Variants in DOCK10 observed in about 807,000 individuals in gnomAD.
DOCK10 encodes dedicator of cytokinesis protein 10.
DOCK10 carries 145 observed loss-of-function variants against 280.1 expected under a neutral mutation model. The ratio of observed to expected loss-of-function variants is 0.52; its 90% CI spans 0.45 to 0.59. DOCK10 has a LOEUF of 0.59. DOCK10 is among the 20% of genes least tolerant of loss of function. The pLI, the probability that DOCK10 is intolerant of heterozygous loss-of-function variation, is 0.00. For synonymous variants in DOCK10, 915 were observed against 942.2 expected (o/e 0.97, Z 0.53); for missense variants, 2,368 against 2,651.7 (o/e 0.89, Z 2.35).
chr2:224,937,310 G>C (rs927923982), intron 1 of DOCK10, among the ~76,000 whole-genome samples: 5 of 152,134 alleles, frequency 3.3e-5, no homozygotes, highest in Non-Finnish European at 5.9e-5. Flanking sequence ...TTGCTGCAAA[G>C]ATCAAGTAGA....
At chr2:224,816,978 A>G (rs186129404) in intron 29 of DOCK10, among the ~76,000 whole-genome samples, 3 of 152,328 alleles carry the variant, frequency 2.0e-5, no homozygotes, top group Admixed American at 2.0e-4. Context: ...ATAAGATCCT[A>G]CTGAGTCATA....
At chr2:224,802,367 G>GA (rs1315489134) in intron 39 of DOCK10, among the ~76,000 whole-genome samples, 2 of 152,176 alleles carry the variant, frequency 1.3e-5, no homozygotes, top group African/African-American at 4.8e-5. Context: ...GGCTGATCAG[G>GA]AAGGCACAGT....
intron 1 of DOCK10, among the ~76,000 whole-genome samples, chr2:224,973,000 T>G (rs557713632): frequency 6.6e-6 from 1 of 152,350 alleles, no homozygotes; most frequent in East Asian, 1.9e-4. Context: ...GAATTTCCAT[T>G]TTTACACATT....
intron 53 of DOCK10, among the ~76,000 whole-genome samples, chr2:224,772,937 A>G (rs562155753): frequency 2.6e-5 from 4 of 152,324 alleles, no homozygotes; most frequent in South Asian, 4.1e-4. Context: ...GGAAGAATAC[A>G]TTTTATTTCA....
intron 7 of DOCK10, among the ~76,000 whole-genome samples, chr2:224,879,510 C>T (rs896172368): frequency 3.3e-5 from 5 of 152,148 alleles, no homozygotes; most frequent in Non-Finnish European, 5.9e-5. Flanking sequence ...GTAATCCCAG[C>T]GCTTTAGGAG....
rs757251987 is a variant in DOCK10 at position 224,876,045 on chromosome 2, C to T, written c.924G>A (p.Leu308=). The T allele has an allele frequency of 6.2e-7, 1 of 1,612,394 alleles. No individual in the cohort carries two copies. Among genetic ancestry groups the T allele is most frequent in the Admixed American group, 1.7e-5 (1 of 59,644 alleles). The change falls in exon 8 of 56, where the codon CTG becomes CTA. Residue 308 remains leucine (L), a synonymous_variant. Coordinates refer to ENST00000258390, the MANE Select transcript of DOCK10 (RefSeq NM_014689.3). ...GGCTTCATATGCTCTCACCCAGACC[C>T]AGATCAGTGAGCTCTGTGCTCCTCC... ...QGRRSTELTD[L]GLDSLDNSVT...
At chr2:224,842,600 T>C (rs1273198803) in intron 22 of DOCK10, among the ~76,000 whole-genome samples, 1 of 152,192 alleles carries the variant, frequency 6.6e-6, no homozygotes, top group Non-Finnish European at 1.5e-5. Flanking sequence ...CGCGTGTGTG[T>C]GTGTGCCCTA....
At chr2:224,883,466 G>A (rs1401770849) in intron 7 of DOCK10, among the ~76,000 whole-genome samples, 1 of 152,206 alleles carries the variant, frequency 6.6e-6, no homozygotes, top group Non-Finnish European at 1.5e-5. Flanking sequence ...ATAATGGAAT[G>A]TCTATATCCT....
chr2:224,985,965 G>C (rs73083726), intron 1 of DOCK10, among the ~76,000 whole-genome samples: 6,731 of 152,230 alleles, frequency 0.044, 495 homozygotes, highest in African/African-American at 0.15. Flanking sequence ...GTTAAATTAT[G>C]TAAGAGCCGT....
chr2:224,823,277 C>T (rs370358442), intron 28 of DOCK10, among the ~76,000 whole-genome samples: 13 of 151,894 alleles, frequency 8.6e-5, no homozygotes, highest in African/African-American at 2.2e-4. Context: ...TAAGCCATCG[C>T]GCCCGGCCTT....
intron 1 of DOCK10, among the ~76,000 whole-genome samples, chr2:224,976,720 C>A (rs1705462253): frequency 6.6e-6 from 1 of 151,214 alleles, no homozygotes; most frequent in South Asian, 2.1e-4. Context: ...TGGTTGAGGC[C>A]ACGTCATTCA....
chr2:225,035,721 T>C (rs1690242585), intron 1 of DOCK10, among the ~76,000 whole-genome samples: 1 of 150,872 alleles, frequency 6.6e-6, no homozygotes, highest in Non-Finnish European at 1.5e-5. Context: ...TCTGGGTGTC[T>C]TTAACAACAG....
chr2:225,028,198 C>T (rs1466306290), intron 1 of DOCK10, among the ~76,000 whole-genome samples: 1 of 152,064 alleles, frequency 6.6e-6, no homozygotes, highest in African/African-American at 2.4e-5. Flanking sequence ...ATCCAATCAC[C>T]AGTCCTTCAG....
At chr2:224,992,231 C>T (rs1019402042) in intron 1 of DOCK10, among the ~76,000 whole-genome samples, 3 of 152,174 alleles carry the variant, frequency 2.0e-5, no homozygotes, top group African/African-American at 7.2e-5. Context: ...TTTCTGTGTT[C>T]ATTTTTCTCC....
chr2:225,014,082 T>TATATATATATATATATA (rs143161746), intron 1 of DOCK10, among the ~76,000 whole-genome samples: 81 of 45,698 alleles, frequency 1.8e-3, no homozygotes, highest in African/African-American at 7.0e-3. Flanking sequence ...TCTGAATATA[T>TATATATATATATATATA]TGTTTTTTTT....
intron 1 of DOCK10, among the ~76,000 whole-genome samples, chr2:224,966,689 C>T (rs1704762092): frequency 6.6e-6 from 1 of 152,146 alleles, no homozygotes; most frequent in South Asian, 2.1e-4. Context: ...GAATAACTCT[C>T]ATTTTAAGAT....
intron 1 of DOCK10, among the ~76,000 whole-genome samples, chr2:225,035,950 T>C (rs1427635508): frequency 6.6e-6 from 1 of 151,858 alleles, no homozygotes; most frequent in Non-Finnish European, 1.5e-5. Context: ...CTACCCCTAA[T>C]TACCTCCCAA....
At chr2:225,020,291 A>G (rs557189429) in intron 1 of DOCK10, among the ~76,000 whole-genome samples, 2 of 152,304 alleles carry the variant, frequency 1.3e-5, no homozygotes, top group Middle Eastern at 3.4e-3. Context: ...TAATACACAT[A>G]TTAATGTTCA....
At chr2:224,963,461 C>T (rs1704559921) in intron 1 of DOCK10, among the ~76,000 whole-genome samples, 1 of 152,182 alleles carries the variant, frequency 6.6e-6, no homozygotes, top group Admixed American at 6.6e-5. Context: ...AACTAGAATG[C>T]CCTCTCCTTA....
Sources: gnomAD v4.1 joint callset for allele counts (sites outside exome capture counted in the v4.1 genomes callset) on GRCh38, gnomAD v4.1.1 for gene constraint, MANE v1.5 for transcripts, NCBI Gene and HGNC (gene_info 2026-07-23, HGNC 2026-07-21) for gene names.